The following DYNC1I2 variants were observed in gnomAD, a reference collection of about 807,000 sequenced individuals.
DYNC1I2 encodes cytoplasmic dynein 1 intermediate chain 2.
Under a neutral mutation model 88.6 loss-of-function variants are expected in DYNC1I2, and 53 were observed. The observed-to-expected ratio is 0.60, with a 90% CI of 0.48 to 0.75. The LOEUF is 0.75. Among genes scored for constraint, DYNC1I2 ranks in the 30% least tolerant of loss-of-function variants. The pLI is 0.00. For missense variants in DYNC1I2, 458 were observed against 766.6 expected (o/e 0.60, Z 4.75); for synonymous variants, 198 against 254.6 (o/e 0.78, Z 2.12).
chr2:171,715,760 AT>A (rs1015283717), intron 7 of DYNC1I2, among the ~76,000 whole-genome samples: 3 of 152,104 alleles, frequency 2.0e-5, no homozygotes, highest in African/African-American at 7.2e-5. Flanking sequence ...AAGCTTAAGA[AT>A]TTTCTGTTTC....
intron 1 of DYNC1I2, chr2:171,688,555 G>C (rs2105437230): frequency 6.6e-6 from 1 of 152,332 alleles, no homozygotes; most frequent in East Asian, 1.9e-4. Context: ...GTATGGAGCT[G>C]TTTAGAGGTG....
chr2:171,727,931 A>C lies in DYNC1I2; in HGVS notation c.1107A>C (p.Pro369=), dbSNP rs1324939123. The C allele has an allele frequency of 5.6e-6, 9 of 1,613,346 alleles. No homozygotes were observed. Among genetic ancestry groups the C allele is most frequent in the Admixed American group, 5.0e-5 (3 of 59,964 alleles). ...LWDNRSNKRT[P]VQRTPLSAAA... ...ATAACCGTAGCAATAAAAGAACTCC[A>C]GTGCAAAGAACTCCACTGTCAGCAG... is the stretch of plus-strand genomic sequence containing the variant. The change falls in exon 12 of 18, where the codon CCA becomes CCC. Residue 369 remains proline, a synonymous_variant. Transcript: ENST00000397119.
intron 7 of DYNC1I2, among the ~76,000 whole-genome samples, chr2:171,718,795 T>TA (rs1559385335): frequency 6.6e-6 from 1 of 152,176 alleles, no homozygotes; most frequent in African/African-American, 2.4e-5. Context: ...GCCTACCACT[T>TA]ATCAGGCATA....
At chr2:171,728,684 T>C in intron 13 of DYNC1I2, 33 bp from the exon 14 acceptor site, 2 of 1,506,544 alleles carry the variant, frequency 1.3e-6, no homozygotes, top group Non-Finnish European at 1.8e-6. Flanking sequence ...ATTGCAAGTT[T>C]ACAAACTAAT....
chr2:171,716,645 A>AC (rs1018747580), intron 7 of DYNC1I2, among the ~76,000 whole-genome samples: 1 of 152,138 alleles, frequency 6.6e-6, no homozygotes, highest in African/African-American at 2.4e-5. Context: ...GTGGTGGCTC[A>AC]CACCCGTACT....
chr2:171,744,084 A>G lies in DYNC1I2; in HGVS notation c.1572A>G (p.Ala524=), dbSNP rs764557770. The G allele has an allele frequency of 1.9e-5, 30 of 1,612,660 alleles. No homozygotes were observed. In the East Asian group the frequency reaches 6.5e-4, roughly 35 times the overall value. The change falls in exon 16 of 18, where the codon GCA becomes GCG. Residue 524 remains alanine (A), a synonymous_variant. Transcript: ENST00000397119. ...NKPLYSFEDN[A]DYVYDVMWSP... Reference sequence around the variant, plus strand: ...CTTTGTATTCATTTGAAGATAATGCAGACTATGTTTATGATGTTATGTGGT... The same window carrying G: ...CTTTGTATTCATTTGAAGATAATGCGGACTATGTTTATGATGTTATGTGGT...
chr2:171,706,868 A>C (rs1305993237), intron 4 of DYNC1I2: 3 of 405,914 alleles, frequency 7.4e-6, no homozygotes. Context: ...TAACTTAATG[A>C]AACATATTTC....
chr2:171,699,667 T>C (rs1438793436), intron 3 of DYNC1I2, among the ~76,000 whole-genome samples: 1 of 149,870 alleles, frequency 6.7e-6, no homozygotes, highest in Non-Finnish European at 1.5e-5. Flanking sequence ...AGAGACAGGG[T>C]CTCAGTCTGT....
intron 15 of DYNC1I2, among the ~76,000 whole-genome samples, chr2:171,737,572 C>T (rs2105751972): frequency 6.6e-6 from 1 of 152,292 alleles, no homozygotes; most frequent in South Asian, 2.1e-4. Flanking sequence ...CATGTGCCAC[C>T]ATGCCCAATT....
At chr2:171,729,921 T>C (rs1688497996) in intron 15 of DYNC1I2, 68 bp downstream of exon 15, 1 of 1,545,410 alleles carries the variant, frequency 6.5e-7, no homozygotes, top group Non-Finnish European at 8.8e-7. Context: ...TAATACTACA[T>C]AGGAATGATG....
chr2:171,741,897 C>G (rs951789313), intron 15 of DYNC1I2, among the ~76,000 whole-genome samples: 4 of 151,938 alleles, frequency 2.6e-5, no homozygotes, highest in African/African-American at 9.7e-5. Context: ...GCCTGGCCAA[C>G]ATGGTGAAAC....
chr2:171,702,493 A>G (rs1201988013), intron 3 of DYNC1I2, among the ~76,000 whole-genome samples: 2 of 152,214 alleles, frequency 1.3e-5, no homozygotes, highest in East Asian at 1.9e-4. Flanking sequence ...AGTAAACCAC[A>G]GTAAAAAATC....
intron 7 of DYNC1I2, among the ~76,000 whole-genome samples, chr2:171,724,350 T>C (rs1207411712): frequency 6.6e-6 from 1 of 152,208 alleles, no homozygotes; most frequent in Non-Finnish European, 1.5e-5. Flanking sequence ...TTTTGTTTGC[T>C]GGGTAAAGGC....
At chr2:171,692,106 T>C (rs1420477151) in intron 2 of DYNC1I2, among the ~76,000 whole-genome samples, 2 of 152,180 alleles carry the variant, frequency 1.3e-5, no homozygotes, top group African/African-American at 4.8e-5. Context: ...AAACTTTTCC[T>C]TGGAAAGCTT....
chr2:171,711,142 G>A (rs1687099186), intron 5 of DYNC1I2, among the ~76,000 whole-genome samples: 1 of 151,632 alleles, frequency 6.6e-6, no homozygotes, highest in Non-Finnish European at 1.5e-5. Flanking sequence ...CCTTGTGATA[G>A]TTTGCTGAGA....
chr2:171,723,290 C>G (rs1688018487), intron 7 of DYNC1I2, among the ~76,000 whole-genome samples: 1 of 152,018 alleles, frequency 6.6e-6, no homozygotes, highest in Non-Finnish European at 1.5e-5. Flanking sequence ...AATGACCTGT[C>G]CTGGGTGATT....
intron 17 of DYNC1I2, 61 bp from the exon 18 acceptor site, chr2:171,747,715 A>AATATAT: frequency 3.3e-6 from 4 of 1,205,112 alleles, no homozygotes; most frequent in Non-Finnish European, 4.8e-6. Flanking sequence ...CAAACTGAAT[A>AATATAT]ATAGTGGGTA....
chr2:171,691,235 A>G (rs1685383747), intron 2 of DYNC1I2, among the ~76,000 whole-genome samples: 1 of 152,228 alleles, frequency 6.6e-6, no homozygotes, highest in Admixed American at 6.5e-5. Flanking sequence ...TGTATCAAAA[A>G]TATGCATCAC....
chr2:171,726,384 T>C, intron 10 of DYNC1I2, 91 bp downstream of exon 10: 1 of 847,028 alleles, frequency 1.2e-6, no homozygotes, highest in Non-Finnish European at 1.8e-6. Flanking sequence ...TTTTGTATAA[T>C]AAATCAATAT....
Sources: allele counts gnomAD v4.1 joint callset (sites outside exome capture counted in the v4.1 genomes callset), GRCh38; gene constraint gnomAD v4.1.1; transcripts MANE v1.5; gene names NCBI Gene and HGNC (gene_info 2026-07-23, HGNC 2026-07-21).